The following CETN3 variants were observed in gnomAD, a reference collection of about 807,000 sequenced individuals.
CETN3 encodes centrin-3.
In CETN3, 17 loss-of-function variants were observed where a neutral mutation model predicts 20.1. The ratio of observed to expected loss-of-function variants is 0.85; its 90% confidence interval spans 0.58 to 1.27. The LOEUF is 1.27. Among genes scored for constraint, CETN3 ranks in the 50% most tolerant of loss-of-function variants. The probability of loss-of-function intolerance (pLI) is 0.00; values close to 1 mark genes in which losing one functional copy is unlikely to be tolerated. For missense variants in CETN3, 169 were observed against 191.2 expected, an observed-to-expected ratio of 0.88 and a Z score of 0.69; for synonymous variants, 52 against 59.7, an observed-to-expected ratio of 0.87 and a Z score of 0.59.
At chr5:90,400,888 A>G (rs1257316316) in intron 3 of CETN3, among the ~76,000 whole-genome samples, 1 of 152,218 alleles carries the variant, frequency 6.6e-6, no homozygotes, top group Non-Finnish European at 1.5e-5. Flanking sequence ...AGAAGCTGGC[A>G]TATCTACAGC....
chr5:90,395,855 A>G, intron 4 of CETN3: 1 of 889,974 alleles, frequency 1.1e-6, no homozygotes, highest in Non-Finnish European at 1.3e-6. Context: ...GAGATAAAAC[A>G]TGGTCATAGG....
chr5:90,396,673 G>C (rs2972966), intron 4 of CETN3: 37 of 721,790 alleles, frequency 5.1e-5, no homozygotes, highest in Non-Finnish European at 7.2e-5. Flanking sequence ...AAAAGTACTT[G>C]TTACTTAAAG....
At chr5:90,406,054 T>C (rs796295169) in intron 2 of CETN3, among the ~76,000 whole-genome samples, 5 of 152,310 alleles carry the variant, frequency 3.3e-5, no homozygotes, top group African/African-American at 9.6e-5. Context: ...GATTTTACTA[T>C]ATAAAATGCA....
At chr5:90,394,345 A>C (rs1749091972) in intron 4 of CETN3, among the ~76,000 whole-genome samples, 1 of 152,026 alleles carries the variant, frequency 6.6e-6, no homozygotes, top group Admixed American at 6.6e-5. Context: ...AGTATTCTAT[A>C]ATATTAACTG....
chr5:90,404,117 C>T lies in CETN3; in HGVS notation c.268+1568G>A, dbSNP rs139968961. ...TAATAATAGCAAATGCTTAGTAGCA[C>T]TTACAACATGCTAGGCCCTTTTCTA... is the stretch of plus-strand genomic sequence containing the variant. On this transcript the variant is annotated intron_variant, in intron 3 of 4. Coordinates refer to ENST00000283122, the MANE Select transcript of CETN3 (RefSeq NM_004365.4). Among the ~76,000 whole-genome samples the T allele has an allele frequency of 1.2e-3, 181 of 152,248 alleles. No homozygotes were observed. The Middle Eastern group carries it at 0.014, about 11-fold the overall frequency.
rs1258433980 is a variant in CETN3 at position 90,392,311 on chromosome 5, T to C, written c.*1753A>G. 2.0e-5 allele frequency: 3 copies of C among 152,206 alleles called. No homozygotes were observed. The highest frequency in any genetic ancestry group is 2.9e-5 in the Non-Finnish European group (2 of 68,016). 9.4% of individuals were successfully genotyped at this position (152,206 alleles called of 1,614,324 possible). A position where few individuals can be genotyped will look rare whatever the true frequency, so the allele number is the denominator to read the frequency against. On this transcript the variant is annotated 3_prime_UTR_variant, in exon 5 of 5. Coordinates refer to ENST00000283122, the MANE Select transcript of CETN3 (RefSeq NM_004365.4). ...CTTTCCTGGAAATCAATATATTTCA[T>C]GATCAAGACAGAGGGAACTCATCAG...
intron 2 of CETN3, 87 bp from the exon 3 acceptor site, chr5:90,405,886 A>G: frequency 1.3e-6 from 1 of 763,192 alleles, no homozygotes. Flanking sequence ...TTAAGAGATG[A>G]CAACACATTA....
intron 4 of CETN3, 88 bp from the exon 5 acceptor site, chr5:90,394,195 A>T (rs531752660): frequency 8.2e-5 from 71 of 863,002 alleles, no homozygotes; most frequent in Non-Finnish European, 1.1e-4. Flanking sequence ...CTAAGTATTT[A>T]AAAAATTTTA....
intron 4 of CETN3, chr5:90,395,856 T>A: frequency 1.1e-6 from 1 of 889,632 alleles, no homozygotes; most frequent in East Asian, 1.2e-4. Context: ...AGATAAAACA[T>A]GGTCATAGGG....
intron 2 of CETN3, among the ~76,000 whole-genome samples, chr5:90,406,671 G>A (rs561114384): frequency 1.3e-5 from 2 of 151,374 alleles, no homozygotes; most frequent in East Asian, 3.9e-4. Context: ...AACAATTTAT[G>A]AGCAATGGTG....
chr5:90,405,719 T>C lies in CETN3; in HGVS notation c.234A>G (p.Thr78=). ...KILKDYDREA[T]GKITFEDFNE... is the part of the protein sequence containing the mutation. Reference sequence around the variant, plus strand: ...TAAAATCTTCAAAGGTGATTTTCCCTGTGGCTTCTCTGTCATAATCTTTAA... The same window carrying C: ...TAAAATCTTCAAAGGTGATTTTCCCCGTGGCTTCTCTGTCATAATCTTTAA... The change falls in exon 3 of 5, where the codon ACA becomes ACG. Residue 78 remains threonine (T), a synonymous_variant. Coordinates refer to ENST00000283122, the MANE Select transcript of CETN3 (RefSeq NM_004365.4). 1.2e-6 allele frequency: 2 copies of C among 1,612,110 alleles called. No individual in the cohort carries two copies. The highest frequency in any genetic ancestry group is 1.1e-5 in the South Asian group (1 of 91,012).
intron 4 of CETN3, among the ~76,000 whole-genome samples, chr5:90,398,076 G>A (rs1749178647): frequency 6.6e-6 from 1 of 152,026 alleles, no homozygotes. Flanking sequence ...AGGGGGAAGT[G>A]ACTCTTTCTG....
At chr5:90,402,995 C>G (rs997346895) in intron 3 of CETN3, among the ~76,000 whole-genome samples, 5 of 152,322 alleles carry the variant, frequency 3.3e-5, no homozygotes, top group Admixed American at 6.5e-5. Flanking sequence ...ATAAGTAGTA[C>G]ATGTCAAAAA....
rs1749082243 is a variant in CETN3, at chr5:90,394,008, A to C, written c.*56T>G. The stretch of plus-strand genomic sequence containing the variant: ...TTTTTTTCACATGGCTCCAGGCACA[A>C]AAATAGAATATAAGATGGTAACTGC... On this transcript the variant is annotated 3_prime_UTR_variant, in exon 5 of 5. Transcript: ENST00000283122. 7.8e-7 allele frequency: 1 copy of C among 1,276,176 alleles called. No individual in the cohort carries two copies. The highest frequency in any genetic ancestry group is 2.4e-5 in the East Asian group (1 of 41,754). The allele number at this position is 1,276,176 out of a possible 1,614,324, so 79.1% of individuals were successfully genotyped here.
intron 4 of CETN3, among the ~76,000 whole-genome samples, chr5:90,396,963 T>G (rs1262191744): frequency 2.0e-5 from 3 of 152,136 alleles, no homozygotes; most frequent in Non-Finnish European, 4.4e-5. Flanking sequence ...ACAATTTACA[T>G]AGCATTTACA....
Position 90,409,636 on chromosome 5 carries a change from A to G in CETN3, c.17+9T>C. On this transcript the variant is annotated intron_variant, in intron 1 of 4. Transcript: ENST00000283122. ...GTGTGGAGAGCACTGCCGCCTCCTTATTACCGACCTCAGAGCTAAACTCAT... is the reference window on the plus strand; with the variant it reads ...GTGTGGAGAGCACTGCCGCCTCCTTGTTACCGACCTCAGAGCTAAACTCAT... The G allele has an allele frequency of 6.2e-7, 1 of 1,613,968 alleles. No homozygotes were observed. Among genetic ancestry groups the G allele is most frequent in the Non-Finnish European group, 8.5e-7 (1 of 1,179,972 alleles).
rs368249043 is a variant in CETN3, at chr5:90,399,339, C to T, written c.460+19G>A. 39 of 1,611,116 alleles carry T rather than the reference C, an allele frequency of 2.4e-5. No homozygotes were observed. Among genetic ancestry groups the T allele is most frequent in the South Asian group, 1.3e-4 (12 of 91,002 alleles). On this transcript the variant is annotated intron_variant, in intron 4 of 4. Transcript: ENST00000283122. ...TAGCATCAGGAAAACCTGGAAAATA[C>T]GTTTCACTTAAAACTTACTTTCTCC...
At chr5:90,405,438 A>C (rs1034736566) in intron 3 of CETN3, 1 of 451,088 alleles carries the variant, frequency 2.2e-6, no homozygotes, top group African/African-American at 2.0e-5. Flanking sequence ...TTCTATAAAA[A>C]GCTACACAAT....
chr5:90,406,583 T>C (rs760703671), intron 2 of CETN3, among the ~76,000 whole-genome samples: 1 of 151,598 alleles, frequency 6.6e-6, no homozygotes, highest in South Asian at 2.1e-4. Context: ...GGCAAAAGTG[T>C]AGAGAACATT....
Sources: gnomAD v4.1 joint callset for allele counts (sites outside exome capture counted in the v4.1 genomes callset) on GRCh38, gnomAD v4.1.1 for gene constraint, MANE v1.5 for transcripts, NCBI Gene and HGNC (gene_info 2026-07-23, HGNC 2026-07-21) for gene names.